The following ELMOD1 variants were observed in gnomAD, a reference collection of about 807,000 sequenced individuals.
ELMOD1 encodes ELMO domain-containing protein 1.
In ELMOD1, 21 loss-of-function variants were observed where a neutral mutation model predicts 46.7. The observed-to-expected ratio is 0.45, with a 90% CI of 0.32 to 0.65. ELMOD1 has a LOEUF of 0.65. ELMOD1 is among the 30% of genes least tolerant of loss of function. The pLI, the probability that ELMOD1 is intolerant of heterozygous loss-of-function variation, is 0.04. For missense variants in ELMOD1, 348 were observed against 407.8 expected, an observed-to-expected ratio of 0.85 and a Z score of 1.26; for synonymous variants, 122 against 138.2, an observed-to-expected ratio of 0.88 and a Z score of 0.82.
chr11:107,601,972 A>G (rs938820554), intron 1 of ELMOD1, among the ~76,000 whole-genome samples: 7 of 152,086 alleles, frequency 4.6e-5, no homozygotes, highest in Non-Finnish European at 8.8e-5. Flanking sequence ...GGATTTTCTG[A>G]TTCCTGGGTC....
At chr11:107,654,522 C>A (rs1462238583) in intron 10 of ELMOD1, among the ~76,000 whole-genome samples, 6 of 152,174 alleles carry the variant, frequency 3.9e-5, no homozygotes, top group Non-Finnish European at 8.8e-5. Flanking sequence ...GTAATCCCAG[C>A]ACTTTGGGAG....
At chr11:107,656,443 A>G (rs992591351) in intron 11 of ELMOD1, among the ~76,000 whole-genome samples, 6 of 147,936 alleles carry the variant, frequency 4.1e-5, no homozygotes, top group Non-Finnish European at 8.9e-5. Context: ...AATACATGAT[A>G]TATATAAAAA....
chr11:107,647,498 C>G lies in ELMOD1; in HGVS notation c.451C>G (p.Leu151Val), dbSNP rs1565387095. 3 of 1,613,260 alleles carry G rather than the reference C, an allele frequency of 1.9e-6. No individual in the cohort carries two copies. Among genetic ancestry groups the G allele is most frequent in the Non-Finnish European group, 2.5e-6 (3 of 1,179,616 alleles). ...LWKFLKPNTP[L>V]ESRISKQWCE... ...GAAATTCTTGAAGCCCAATACTCCA[C>G]TGGAATCTCGGATTTCTAAGCAGTG... Residue 151 changes from leucine to valine, a missense_variant, in exon 7 of 12, where the codon CTG (leucine) becomes GTG (valine). Coordinates refer to ENST00000265840, the MANE Select transcript of ELMOD1 (RefSeq NM_018712.4).
intron 9 of ELMOD1, among the ~76,000 whole-genome samples, chr11:107,652,872 T>C (rs1477614446): frequency 6.6e-6 from 1 of 152,248 alleles, no homozygotes; most frequent in East Asian, 1.9e-4. Context: ...ATTATATGCA[T>C]GTCTTGTAAT....
At position 107,631,594 on chromosome 11, in the gene ELMOD1, T is replaced by C; in HGVS notation, c.207T>C (p.Ser69=). ...RDSKSKLLQT[S]VSVHPDAIEK... ...ATGTTTTCCAGCTGTTGCAGACTTC[T>C]GTGAGTGTTCACCCCGACGCTATTG... The change falls in exon 5 of 12, where the codon TCT becomes TCC. Residue 69 remains serine, a synonymous_variant. Transcript: ENST00000265840. 3 of 1,560,342 alleles carry C rather than the reference T, an allele frequency of 1.9e-6. No individual in the cohort carries two copies. The highest frequency in any genetic ancestry group is 2.7e-5 in the African/African-American group (2 of 73,432).
At chr11:107,662,633 A>C (rs965350853) in intron 11 of ELMOD1, among the ~76,000 whole-genome samples, 1 of 151,180 alleles carries the variant, frequency 6.6e-6, no homozygotes, top group Non-Finnish European at 1.5e-5. Flanking sequence ...ACAAAAAAAA[A>C]CTTTTTGTAA....
intron 11 of ELMOD1, among the ~76,000 whole-genome samples, chr11:107,658,766 C>A (rs1591139796): frequency 6.6e-6 from 1 of 152,206 alleles, no homozygotes; most frequent in Non-Finnish European, 1.5e-5. Flanking sequence ...GAAACCCTGT[C>A]TCTATGAAAA....
chr11:107,635,673 G>A lies in ELMOD1; in HGVS notation c.328G>A (p.Val110Ile), dbSNP rs202156688. ...TCTTCAGGCTTGCCTTCTGCAAATC[G>A]TTGGGTACAGGAACCTTATTGCAGA... ...ISLQACLLQI[V>I]GYRNLIADVE... is the part of the protein sequence containing the mutation. Residue 110 changes from valine to isoleucine, a missense_variant, in exon 6 of 12, where the codon GTT becomes ATT. By Grantham distance (29) the Val-to-Ile change is conservative. Transcript: ENST00000265840. 2.3e-4 allele frequency: 374 copies of A among 1,613,564 alleles called. 1 individual carries two copies. Among genetic ancestry groups the A allele is most frequent in the Middle Eastern group, 3.3e-4 (2 of 6,084 alleles).
At chr11:107,656,092 A>G in intron 11 of ELMOD1, 26 bp downstream of exon 11, 1 of 1,550,694 alleles carries the variant, frequency 6.4e-7, no homozygotes, top group Non-Finnish European at 8.7e-7. Context: ...TATAATTATC[A>G]ATATAGGTTT....
In ELMOD1 at chr11:107,630,668, TTGAA is replaced by T. The variant is rs779860434; in HGVS notation, c.164-28_164-25del. The T allele has an allele frequency of 2.5e-6, 4 of 1,606,832 alleles. No individual in the cohort carries two copies. In the South Asian group the frequency reaches 4.5e-5, roughly 18 times the overall value. On this transcript the variant is annotated intron_variant, in intron 3 of 11. Transcript: ENST00000265840. ...CTAAACCATGTGTAAAGGATAATCT[TTGAA>T]TGACTGTTTTTGTTGCTGCTTTCAC...
intron 11 of ELMOD1, among the ~76,000 whole-genome samples, chr11:107,659,162 T>A (rs1866685884): frequency 6.6e-6 from 1 of 152,154 alleles, no homozygotes; most frequent in Admixed American, 6.5e-5. Context: ...GAGATGGCAC[T>A]GGAAGCCTAA....
At chr11:107,602,363 G>A (rs544116394) in intron 1 of ELMOD1, among the ~76,000 whole-genome samples, 1 of 152,250 alleles carries the variant, frequency 6.6e-6, no homozygotes, top group Non-Finnish European at 1.5e-5. Context: ...GGAGACTCAT[G>A]TTCTTCAGCT....
At chr11:107,603,707 T>C (rs902294450) in intron 1 of ELMOD1, among the ~76,000 whole-genome samples, 6 of 151,844 alleles carry the variant, frequency 4.0e-5, no homozygotes, top group Non-Finnish European at 8.8e-5. Flanking sequence ...CCAAAACCCG[T>C]CTCTACTAAA....
At chr11:107,611,581 T>G (rs1293132388) in intron 1 of ELMOD1, among the ~76,000 whole-genome samples, 1 of 151,690 alleles carries the variant, frequency 6.6e-6, no homozygotes, top group African/African-American at 2.4e-5. Flanking sequence ...GGCAGGTGCC[T>G]GTAGTCCCAG....
At chr11:107,636,902 T>C (rs749914817) in intron 6 of ELMOD1, among the ~76,000 whole-genome samples, 3 of 152,042 alleles carry the variant, frequency 2.0e-5, no homozygotes, top group Non-Finnish European at 4.4e-5. Context: ...TACCCAAACA[T>C]AGGAAATAAG....
At chr11:107,658,941 A>G (rs1866680913) in intron 11 of ELMOD1, among the ~76,000 whole-genome samples, 1 of 152,206 alleles carries the variant, frequency 6.6e-6, no homozygotes, top group South Asian at 2.1e-4. Flanking sequence ...TCTCATAAAT[A>G]AATAAATATT....
At chr11:107,626,593 C>A (rs1359501361) in intron 2 of ELMOD1, among the ~76,000 whole-genome samples, 1 of 140,976 alleles carries the variant, frequency 7.1e-6, no homozygotes, top group Non-Finnish European at 1.5e-5. Flanking sequence ...TTCCTTCTTT[C>A]CTTCTTATCT....
Position 107,666,508 on chromosome 11 carries a change from G to A in ELMOD1, c.*1311G>A, listed in dbSNP as rs1015924146. The stretch of plus-strand genomic sequence containing the variant: ...ATAACGACCTTGTCTTGTATCAGTG[G>A]AAGAAGTAAGTTGCTTAGAAAGGGA... On this transcript the variant is annotated 3_prime_UTR_variant, in exon 12 of 12. Coordinates refer to ENST00000265840, the MANE Select transcript of ELMOD1 (RefSeq NM_018712.4). The A allele has an allele frequency of 1.3e-5, 2 of 152,620 alleles. No homozygotes were observed. Among genetic ancestry groups the A allele is most frequent in the African/African-American group, 4.8e-5 (2 of 41,438 alleles). 9.5% of individuals were successfully genotyped at this position (152,620 alleles called of 1,614,324 possible).
intron 7 of ELMOD1, among the ~76,000 whole-genome samples, chr11:107,650,126 A>G (rs906712317): frequency 3.9e-5 from 6 of 152,144 alleles, no homozygotes; most frequent in Admixed American, 6.5e-5. Flanking sequence ...TCCTAAATCT[A>G]TGTGTGTTTC....
Sources: allele counts gnomAD v4.1 joint callset (sites outside exome capture counted in the v4.1 genomes callset), GRCh38; gene constraint gnomAD v4.1.1; transcripts MANE v1.5; gene names NCBI Gene and HGNC (gene_info 2026-07-23, HGNC 2026-07-21).